The following SNX13 variants were observed in gnomAD, a reference collection of about 807,000 sequenced individuals.
The protein encoded by SNX13 is sorting nexin-13.
A neutral mutation model predicts 133.6 loss-of-function variants in SNX13; 45 were observed. That is an observed-to-expected ratio of 0.34 (90% CI 0.27 to 0.43). SNX13 has a LOEUF of 0.43. SNX13 is among the 20% of genes least tolerant of loss of function. The pLI is 1.00. For synonymous variants in SNX13, 414 were observed against 373.9 expected, an observed-to-expected ratio of 1.11 and a Z score of -1.24; for missense variants, 1,032 against 1,145.1, an observed-to-expected ratio of 0.90 and a Z score of 1.43.
intron 25 of SNX13, 92 bp from the exon 26 acceptor site, chr7:17,794,384 G>C (rs569536294): frequency 1.4e-6 from 2 of 1,440,568 alleles, no homozygotes; most frequent in African/African-American, 1.4e-5. Flanking sequence ...ACACAGCAGA[G>C]TAACTGATGA....
At chr7:17,918,192 C>A (rs1049415227) in intron 1 of SNX13, among the ~76,000 whole-genome samples, 12 of 152,056 alleles carry the variant, frequency 7.9e-5, no homozygotes, top group Non-Finnish European at 1.3e-4. Flanking sequence ...TAGAACAAAA[C>A]CTAGGAAATA....
At position 17,897,587 on chromosome 7, in the gene SNX13, A is replaced by C. The variant is rs956671315; in HGVS notation, c.13-141T>G. 5.8e-5 allele frequency: 29 copies of C among 501,636 alleles called. No individual in the cohort carries two copies. In the Middle Eastern group the frequency reaches 3.2e-3, roughly 55 times the overall value. The allele number at this position is 501,636 out of a possible 1,614,324, so 31.1% of individuals were successfully genotyped here. On this transcript the variant is annotated intron_variant, in intron 1 of 25. Coordinates refer to ENST00000428135, the MANE Select transcript of SNX13 (RefSeq NM_015132.5). The stretch of plus-strand genomic sequence containing the variant: ...TATTTCAGTAACTTTTGAAAATGTG[A>C]AGTGTATACTTGAAAATTTATCTCC...
intron 8 of SNX13, among the ~76,000 whole-genome samples, chr7:17,872,926 A>G (rs1794282701): frequency 6.6e-6 from 1 of 152,230 alleles, no homozygotes; most frequent in Non-Finnish European, 1.5e-5. Flanking sequence ...TACTCAGGGA[A>G]TAACAAGTCC....
chr7:17,903,321 A>G (rs1798038027), intron 1 of SNX13, among the ~76,000 whole-genome samples: 1 of 152,226 alleles, frequency 6.6e-6, no homozygotes, highest in African/African-American at 2.4e-5. Context: ...GGACAATTAT[A>G]TATTTATAAT....
intron 9 of SNX13, among the ~76,000 whole-genome samples, chr7:17,851,218 C>T (rs1791167578): frequency 6.6e-6 from 1 of 152,138 alleles, no homozygotes; most frequent in Non-Finnish European, 1.5e-5. Flanking sequence ...AGCAAAGAAG[C>T]CATGATGACT....
At chr7:17,843,288 A>T (rs1331142323) in intron 12 of SNX13, among the ~76,000 whole-genome samples, 1 of 152,130 alleles carries the variant, frequency 6.6e-6, no homozygotes, top group Non-Finnish European at 1.5e-5. Flanking sequence ...AGGCTACACT[A>T]GTATCAGCTG....
chr7:17,932,479 G>A (rs77917914), intron 1 of SNX13, among the ~76,000 whole-genome samples: 11,303 of 152,100 alleles, frequency 0.074, 507 homozygotes, highest in South Asian at 0.15. Flanking sequence ...TTTCATCTCC[G>A]TAATTTTTCA....
intron 12 of SNX13, among the ~76,000 whole-genome samples, chr7:17,840,401 G>A (rs1296931379): frequency 6.6e-6 from 1 of 151,906 alleles, no homozygotes; most frequent in Non-Finnish European, 1.5e-5. Context: ...ATAGAGGTTT[G>A]CTGAAAATGT....
At chr7:17,862,161 A>G (rs1303640377) in intron 9 of SNX13, among the ~76,000 whole-genome samples, 2 of 152,236 alleles carry the variant, frequency 1.3e-5, no homozygotes, top group African/African-American at 2.4e-5. Flanking sequence ...ATATCTGTAT[A>G]GAGACAGAGG....
chr7:17,793,946 G>A lies in SNX13; in HGVS notation c.*99C>T, dbSNP rs372924330. ...AATAATCTATTTTGAGACACTAAAA[G>A]ACTGGTGCAGACACAACAGTATTTG... is the stretch of plus-strand genomic sequence containing the variant. On this transcript the variant is annotated 3_prime_UTR_variant, in exon 26 of 26. Coordinates refer to ENST00000428135, the MANE Select transcript of SNX13 (RefSeq NM_015132.5). The A allele has an allele frequency of 2.3e-6, 3 of 1,305,238 alleles. No individual in the cohort carries two copies. Among genetic ancestry groups the A allele is most frequent in the African/African-American group, 3.0e-5 (2 of 67,536 alleles). The allele number at this position is 1,305,238 out of a possible 1,614,324, so 80.9% of individuals were successfully genotyped here.
At chr7:17,821,470 A>C (rs144264663) in intron 18 of SNX13, 39 bp downstream of exon 18, 31,846 of 1,528,586 alleles carry the variant, frequency 0.021, 411 homozygotes, top group Non-Finnish European at 0.024. Context: ...TCAAATCAAG[A>C]AACAACATAA....
At chr7:17,876,574 CAAA>C (rs200148485) in intron 5 of SNX13, among the ~76,000 whole-genome samples, 4 of 120,798 alleles carry the variant, frequency 3.3e-5, no homozygotes, top group Non-Finnish European at 5.4e-5. Context: ...GCTATCTCAT[CAAA>C]AAAAAAAAAA....
chr7:17,907,355 A>G (rs1203051101), intron 1 of SNX13: 1 of 152,204 alleles, frequency 6.6e-6, no homozygotes, highest in Non-Finnish European at 1.5e-5. Context: ...TATGCAACAG[A>G]AACAAGTACA....
intron 20 of SNX13, among the ~76,000 whole-genome samples, chr7:17,812,970 G>C (rs1382918043): frequency 6.6e-6 from 1 of 152,164 alleles, no homozygotes; most frequent in Non-Finnish European, 1.5e-5. Flanking sequence ...CTGTCAGGGG[G>C]TTGAGGGCTA....
At chr7:17,805,263 GCGCA>G (rs766977889) in intron 20 of SNX13, among the ~76,000 whole-genome samples, 87 of 148,248 alleles carry the variant, frequency 5.9e-4, no homozygotes, top group African/African-American at 1.5e-3. Context: ...GTGCGCGCGC[GCGCA>G]TGCATGCACA....
At chr7:17,842,712 C>A (rs1191710742) in intron 12 of SNX13, among the ~76,000 whole-genome samples, 2 of 151,820 alleles carry the variant, frequency 1.3e-5, no homozygotes, top group South Asian at 2.1e-4. Flanking sequence ...ACATAATTTA[C>A]AAAAGTAACT....
At chr7:17,877,957 T>G (rs753775599) in intron 5 of SNX13, among the ~76,000 whole-genome samples, 2 of 152,004 alleles carry the variant, frequency 1.3e-5, no homozygotes, top group Non-Finnish European at 2.9e-5. Context: ...ATTTATAAAT[T>G]AGGATATATA....
intron 5 of SNX13, 112 bp downstream of exon 5, chr7:17,890,251 G>A: frequency 1.0e-6 from 1 of 964,640 alleles, no homozygotes; most frequent in Non-Finnish European, 1.5e-6. Context: ...GTAATAATCT[G>A]CTGTTCTACT....
At chr7:17,856,090 T>G (rs545788704) in intron 9 of SNX13, among the ~76,000 whole-genome samples, 1 of 152,308 alleles carries the variant, frequency 6.6e-6, no homozygotes, top group South Asian at 2.1e-4. Flanking sequence ...ACAGATGTGG[T>G]AGAAATGGCA....
Sources: allele counts gnomAD v4.1 joint callset (sites outside exome capture counted in the v4.1 genomes callset), GRCh38; gene constraint gnomAD v4.1.1; transcripts MANE v1.5; gene names NCBI Gene and HGNC (gene_info 2026-07-23, HGNC 2026-07-21).